The following TBC1D8 variants were observed in gnomAD, a reference collection of about 807,000 sequenced individuals.
TBC1D8 encodes the protein TBC1 domain family member 8.
Under a neutral mutation model 118.8 loss-of-function variants are expected in TBC1D8, and 65 were observed. The ratio of observed to expected loss-of-function variants is 0.55; its 90% CI spans 0.45 to 0.67. The LOEUF is 0.67. Among genes scored for constraint, TBC1D8 ranks in the 30% least tolerant of loss-of-function variants. The pLI is 0.00. For synonymous variants in TBC1D8, 566 were observed against 595.8 expected, an observed-to-expected ratio of 0.95 and a Z score of 0.73; for missense variants, 1,376 against 1,471.2, an observed-to-expected ratio of 0.94 and a Z score of 1.06.
intron 1 of TBC1D8, among the ~76,000 whole-genome samples, chr2:101,133,200 A>C (rs1343189160): frequency 6.6e-6 from 1 of 151,876 alleles, no homozygotes; most frequent in Non-Finnish European, 1.5e-5. Context: ...ACATGTAAGC[A>C]ATAAGAAAAT....
intron 17 of TBC1D8, among the ~76,000 whole-genome samples, chr2:101,020,826 T>C (rs1416931314): frequency 6.6e-6 from 1 of 152,214 alleles, no homozygotes; most frequent in Non-Finnish European, 1.5e-5. Context: ...ATCCTCCCTT[T>C]GTCCAGTATC....
At chr2:101,059,279 G>T in intron 3 of TBC1D8, 142 bp downstream of exon 3, 1 of 540,394 alleles carries the variant, frequency 1.9e-6, no homozygotes, top group Non-Finnish European at 3.3e-6. Flanking sequence ...TAAGACAGGT[G>T]ATAAATGAAA....
intron 3 of TBC1D8, among the ~76,000 whole-genome samples, chr2:101,058,231 G>T (rs1011491797): frequency 6.6e-5 from 10 of 152,138 alleles, no homozygotes; most frequent in Admixed American, 6.6e-4. Context: ...ACATTGTCAA[G>T]CTGGCTGGAC....
chr2:101,050,169 G>A (rs1430452933), intron 5 of TBC1D8, among the ~76,000 whole-genome samples: 1 of 152,208 alleles, frequency 6.6e-6, no homozygotes, highest in Non-Finnish European at 1.5e-5. Context: ...ATGAAAATCA[G>A]TTTTGAAATA....
chr2:101,054,218 A>C lies in TBC1D8; in HGVS notation c.521T>G (p.Leu174Arg). Reference sequence around the variant, plus strand: ...ACAGCAGCAGGAGTAGTAGGTGACCAGCTTCTCCGCCTCGGGGAAGTTGAA... The same window carrying C: ...ACAGCAGCAGGAGTAGTAGGTGACCCGCTTCTCCGCCTCGGGGAAGTTGAA... ...ARFNFPEAEK[L>R]VTYYSCCCWK... is the part of the protein sequence containing the mutation. The change falls in exon 4 of 20, where the codon CTG becomes CGG. Residue 174 changes from leucine to arginine, a missense_variant. Coordinates refer to ENST00000409318, the MANE Select transcript of TBC1D8 (RefSeq NM_001330348.2). 6.2e-7 allele frequency: 1 copy of C among 1,611,938 alleles called. No individual in the cohort carries two copies. Among genetic ancestry groups the C allele is most frequent in the Non-Finnish European group, 8.5e-7 (1 of 1,179,128 alleles).
chr2:101,107,338 G>A (rs867815130), intron 1 of TBC1D8, among the ~76,000 whole-genome samples: 6 of 152,084 alleles, frequency 3.9e-5, no homozygotes, highest in Non-Finnish European at 7.4e-5. Context: ...GGTGGTATCT[G>A]TGAGGGTGTT....
At chr2:101,140,886 A>G (rs1156450744) in intron 1 of TBC1D8, among the ~76,000 whole-genome samples, 7 of 151,166 alleles carry the variant, frequency 4.6e-5, no homozygotes, top group Non-Finnish European at 2.9e-5. Flanking sequence ...CTCAGCCTCC[A>G]GAGTAGCTGG....
At chr2:101,025,034 C>T (rs916458876) in intron 15 of TBC1D8, among the ~76,000 whole-genome samples, 3 of 152,104 alleles carry the variant, frequency 2.0e-5, no homozygotes, top group African/African-American at 7.2e-5. Context: ...AACAAACCTG[C>T]AGGTATTATA....
intron 4 of TBC1D8, among the ~76,000 whole-genome samples, chr2:101,051,821 G>A (rs1166934240): frequency 1.3e-5 from 2 of 152,166 alleles, no homozygotes; most frequent in African/African-American, 2.4e-5. Flanking sequence ...AGATGCTGGC[G>A]AGGTTGTGGA....
intron 1 of TBC1D8, among the ~76,000 whole-genome samples, chr2:101,129,244 A>C (rs1678481761): frequency 6.6e-6 from 1 of 152,030 alleles, no homozygotes; most frequent in South Asian, 2.1e-4. Context: ...AGATTCAGGA[A>C]ATTCTCATGC....
intron 1 of TBC1D8, among the ~76,000 whole-genome samples, chr2:101,123,310 A>G (rs960575187): frequency 1.9e-4 from 29 of 152,146 alleles, no homozygotes; most frequent in Admixed American, 4.6e-4. Flanking sequence ...CTCCTTCCCA[A>G]TGTGGATGCC....
chr2:101,120,692 C>T (rs1358077803), intron 1 of TBC1D8, among the ~76,000 whole-genome samples: 1 of 152,214 alleles, frequency 6.6e-6, no homozygotes, highest in Non-Finnish European at 1.5e-5. Context: ...CAGGTTCAAC[C>T]TCGTGGCAGA....
intron 17 of TBC1D8, chr2:101,017,990 T>G: frequency 4.0e-6 from 6 of 1,485,066 alleles, no homozygotes; most frequent in South Asian, 1.2e-5. Context: ...ACGGTTCCAA[T>G]GCTCGCAATT....
In TBC1D8 at chr2:101,146,255, T is replaced by C. The variant is rs758019323; in HGVS notation, c.127+4872A>G. 2.3e-3 allele frequency among the ~76,000 whole-genome samples: 345 copies of C among 152,328 alleles called. 1 individual carries two copies. Among genetic ancestry groups the C allele is most frequent in the Non-Finnish European group, 4.0e-3 (274 of 68,028 alleles). On this transcript the variant is annotated intron_variant, in intron 1 of 19. Coordinates refer to ENST00000409318, the MANE Select transcript of TBC1D8 (RefSeq NM_001330348.2). ...AAAGCCTCTCAGTCCAGATTCTTAA[T>C]GAACAGACTTACTTACCTTGACTCC...
At chr2:101,015,708 C>A (rs192005925) in intron 17 of TBC1D8, among the ~76,000 whole-genome samples, 2,237 of 152,284 alleles carry the variant, frequency 0.015, 27 homozygotes, top group Non-Finnish European at 0.021. Context: ...CAGCATGGTA[C>A]TGGTACCAAA....
At chr2:101,130,549 A>G (rs1029806873) in intron 1 of TBC1D8, among the ~76,000 whole-genome samples, 1 of 152,222 alleles carries the variant, frequency 6.6e-6, no homozygotes, top group Non-Finnish European at 1.5e-5. Context: ...CCCCTTGACT[A>G]GATATTTCCA....
Position 101,007,737 on chromosome 2 carries a change from C to A in TBC1D8, c.*84G>T. 1 of 1,409,514 alleles carries A rather than the reference C, an allele frequency of 7.1e-7. No homozygotes were observed. The highest frequency in any genetic ancestry group is 1.3e-5 in the South Asian group (1 of 74,352). 87.3% of individuals were successfully genotyped at this position (1,409,514 alleles called of 1,614,324 possible). The stretch of plus-strand genomic sequence containing the variant: ...CCCCATTGGTAAGGTAGACTGAAAT[C>A]TCGGTTTAGGGCTGACCCCAAGAAA... On this transcript the variant is annotated 3_prime_UTR_variant, in exon 20 of 20. Coordinates refer to ENST00000409318, the MANE Select transcript of TBC1D8 (RefSeq NM_001330348.2).
chr2:101,051,120 G>A (rs1682045323), intron 4 of TBC1D8, among the ~76,000 whole-genome samples: 1 of 152,162 alleles, frequency 6.6e-6, no homozygotes, highest in Non-Finnish European at 1.5e-5. Context: ...AGTATTCCAT[G>A]GTGTACATGT....
chr2:101,059,378 A>C, intron 3 of TBC1D8, 43 bp downstream of exon 3: 1 of 1,473,920 alleles, frequency 6.8e-7, no homozygotes, highest in Non-Finnish European at 9.5e-7. Context: ...TTAAGGAAGA[A>C]AGATGGAAAG....
Sources: gnomAD v4.1 joint callset for allele counts (sites outside exome capture counted in the v4.1 genomes callset) on GRCh38, gnomAD v4.1.1 for gene constraint, MANE v1.5 for transcripts, NCBI Gene and HGNC (gene_info 2026-07-23, HGNC 2026-07-21) for gene names.